OTOA: variants seen among roughly 807,000 people sequenced by gnomAD.
OTOA encodes the protein cancer/testis antigen 108.
A neutral mutation model predicts 110.8 loss-of-function variants in OTOA; 70 were observed. That is an observed-to-expected ratio of 0.63 (90% CI 0.52 to 0.77). OTOA has a LOEUF of 0.77. Ranked by LOEUF, OTOA falls within the 30% of genes least tolerant of loss-of-function variation. The pLI is 0.00. For synonymous variants in OTOA, 373 were observed against 431.5 expected, an observed-to-expected ratio of 0.86 and a Z score of 1.68; for missense variants, 917 against 1,075.8, an observed-to-expected ratio of 0.85 and a Z score of 2.06.
intron 13 of OTOA, among the ~76,000 whole-genome samples, chr16:21,713,608 CAG>C (rs1309978494): frequency 1.3e-5 from 2 of 152,146 alleles, no homozygotes; most frequent in African/African-American, 4.8e-5. Context: ...TTGTGAGGTA[CAG>C]AGTGTGTAAG....
chr16:21,732,608 C>T (rs1183515588), intron 21 of OTOA, among the ~76,000 whole-genome samples: 3 of 151,962 alleles, frequency 2.0e-5, no homozygotes, highest in Non-Finnish European at 4.4e-5. Flanking sequence ...TTAAAAAAAT[C>T]AACTTCTGAA....
chr16:21,671,748 A>G (rs1392671724), intron 1 of OTOA, among the ~76,000 whole-genome samples: 1 of 152,060 alleles, frequency 6.6e-6, no homozygotes, highest in Non-Finnish European at 1.5e-5. Flanking sequence ...GTGAGGTATA[A>G]ATTTACAGGC....
At chr16:21,710,312 C>G (rs904523160) in intron 13 of OTOA, among the ~76,000 whole-genome samples, 19 of 152,124 alleles carry the variant, frequency 1.2e-4, no homozygotes, top group African/African-American at 4.3e-4. Context: ...CTGTAGGTGG[C>G]CGCCATCTTG....
chr16:21,677,801 A>C (rs1010486176), intron 1 of OTOA, among the ~76,000 whole-genome samples: 1 of 149,124 alleles, frequency 6.7e-6, no homozygotes, highest in Non-Finnish European at 1.5e-5. Flanking sequence ...TCTTTTTAAC[A>C]TTTTTTCCCC....
At chr16:21,697,709 C>A in intron 9 of OTOA, 66 bp from the exon 10 acceptor site, 1 of 1,355,036 alleles carries the variant, frequency 7.4e-7, no homozygotes, top group Non-Finnish European at 1.1e-6. Flanking sequence ...TGTTGACTAT[C>A]ACATACCAGT....
intron 12 of OTOA, among the ~76,000 whole-genome samples, chr16:21,706,005 G>A (rs903971930): frequency 6.6e-6 from 1 of 151,814 alleles, no homozygotes; most frequent in Non-Finnish European, 1.5e-5. Flanking sequence ...TAGGAGGATC[G>A]CTTGAGCCCA....
intron 9 of OTOA, among the ~76,000 whole-genome samples, chr16:21,695,430 C>T (rs1037833553): frequency 6.6e-6 from 1 of 151,882 alleles, no homozygotes; most frequent in African/African-American, 2.4e-5. Context: ...ACAGTTTATG[C>T]TTAGTAATAA....
intron 1 of OTOA, among the ~76,000 whole-genome samples, chr16:21,672,884 A>G (rs1966851216): frequency 6.6e-6 from 1 of 152,156 alleles, no homozygotes; most frequent in Non-Finnish European, 1.5e-5. Flanking sequence ...ATGGTGGCCC[A>G]TGCCTGTATT....
chr16:21,701,400 T>C (rs1898050081), intron 11 of OTOA, among the ~76,000 whole-genome samples: 2 of 152,196 alleles, frequency 1.3e-5, no homozygotes, highest in Non-Finnish European at 1.5e-5. Context: ...AAATAACTCA[T>C]GGGTCCCCAT....
intron 9 of OTOA, among the ~76,000 whole-genome samples, chr16:21,692,326 CG>C (rs1897847122): frequency 7.0e-6 from 1 of 141,888 alleles, no homozygotes; most frequent in Non-Finnish European, 1.5e-5. Flanking sequence ...GACTCCGTCT[CG>C]AAAAAAAAAA....
At chr16:21,673,649 T>G (rs752241546) in intron 1 of OTOA, among the ~76,000 whole-genome samples, 2 of 152,212 alleles carry the variant, frequency 1.3e-5, no homozygotes, top group Non-Finnish European at 2.9e-5. Context: ...TCCTTTTCAT[T>G]GCTGAGTAGT....
intron 1 of OTOA, among the ~76,000 whole-genome samples, chr16:21,677,460 A>C (rs1044899454): frequency 1.4e-4 from 20 of 141,364 alleles, no homozygotes; most frequent in African/African-American, 5.2e-4. Context: ...ATCTGTTTTT[A>C]TGAAGTTTAG....
At chr16:21,736,020 T>C (rs1046239041) in intron 21 of OTOA, among the ~76,000 whole-genome samples, 4 of 152,196 alleles carry the variant, frequency 2.6e-5, no homozygotes, top group African/African-American at 9.7e-5. Flanking sequence ...GACAATCTGA[T>C]GGGTGAAAAG....
At chr16:21,699,168 C>T (rs538333149) in intron 10 of OTOA, among the ~76,000 whole-genome samples, 4 of 151,952 alleles carry the variant, frequency 2.6e-5, no homozygotes, top group South Asian at 2.1e-4. Context: ...CCAGGCTGGT[C>T]TTGAACTCTT....
chr16:21,694,097 G>T (rs1897886075), intron 9 of OTOA, among the ~76,000 whole-genome samples: 5 of 152,068 alleles, frequency 3.3e-5, no homozygotes, highest in Admixed American at 3.3e-4. Flanking sequence ...TAATTTTCAT[G>T]TGTCACCAAA....
At chr16:21,680,343 C>A (rs1028691654) in intron 5 of OTOA, among the ~76,000 whole-genome samples, 1 of 151,892 alleles carries the variant, frequency 6.6e-6, no homozygotes, top group Middle Eastern at 3.4e-3. Context: ...GAAACCCTGT[C>A]CCTACTAAAA....
At chr16:21,682,086 C>G (rs970780669) in intron 6 of OTOA, among the ~76,000 whole-genome samples, 14 of 152,172 alleles carry the variant, frequency 9.2e-5, no homozygotes, top group African/African-American at 3.4e-4. Flanking sequence ...GACAGCAGCT[C>G]AAACAATTTA....
intron 9 of OTOA, among the ~76,000 whole-genome samples, chr16:21,694,460 T>C (rs1200082946): frequency 6.6e-6 from 1 of 151,904 alleles, no homozygotes; most frequent in Non-Finnish European, 1.5e-5. Context: ...AAGTCCAAAA[T>C]AATAAATGTA....
chr16:21,759,673 G>A (rs111251959), intron 28 of OTOA, among the ~76,000 whole-genome samples: 5 of 152,208 alleles, frequency 3.3e-5, no homozygotes, highest in Middle Eastern at 3.4e-3. Flanking sequence ...GGCTGAGGCA[G>A]GTGGATCACT....
Sources: allele counts gnomAD v4.1 joint callset (sites outside exome capture counted in the v4.1 genomes callset), GRCh38; gene constraint gnomAD v4.1.1; transcripts MANE v1.5; gene names NCBI Gene and HGNC (gene_info 2026-07-23, HGNC 2026-07-21).